ERBIN: variants seen among roughly 807,000 people sequenced by gnomAD.
ERBIN encodes the protein densin-180-like protein.
A neutral mutation model predicts 158.4 loss-of-function variants in ERBIN; 60 were observed. The ratio of observed to expected loss-of-function variants is 0.38; its 90% CI spans 0.31 to 0.47. The LOEUF (loss-of-function observed/expected upper bound fraction) is 0.47. Among genes scored for constraint, ERBIN ranks in the 20% least tolerant of loss-of-function variants. The pLI is 0.99. For synonymous variants in ERBIN, 594 were observed against 557.2 expected, an observed-to-expected ratio of 1.07 and a Z score of -0.93; for missense variants, 1,610 against 1,648.0, an observed-to-expected ratio of 0.98 and a Z score of 0.40.
chr5:65,997,239 G>T (rs1474667655), intron 4 of ERBIN, among the ~76,000 whole-genome samples: 1 of 152,148 alleles, frequency 6.6e-6, no homozygotes, highest in Non-Finnish European at 1.5e-5. Flanking sequence ...GTGAGCTGTG[G>T]GTTTGTCACA....
At position 65,946,778 on chromosome 5, in the gene ERBIN, T is replaced by C. The variant is rs936999927; in HGVS notation, c.-58+19972T>C. Among the ~76,000 whole-genome samples the C allele has an allele frequency of 2.0e-5, 3 of 151,340 alleles. No individual in the cohort carries two copies. In the East Asian group the frequency reaches 5.8e-4, roughly 29 times the overall value. ...GTTTTTCCACATCCTAGCCAGCAAT[T>C]GGTTGTTACTTTTTTTTTTTTTTTT... On this transcript the variant is annotated intron_variant, in intron 1 of 25. Coordinates refer to ENST00000284037, the MANE Select transcript of ERBIN (RefSeq NM_001253697.2).
At position 66,053,882 on chromosome 5, in the gene ERBIN, A is replaced by G; in HGVS notation, c.2564A>G (p.Asp855Gly). Residue 855 changes from aspartate to glycine, a missense_variant, in exon 21 of 26, where the codon GAT (aspartate) becomes GGT (glycine). By Grantham distance (94) the Asp-to-Gly change is moderately conservative (BLOSUM62 -1). Transcript: ENST00000284037. ...VDLGISKSTE[D>G]LSPQKSGPVG... ...TTAGGTATTTCCAAAAGCACTGAAG[A>G]TCTCTCCCCTCAGAAAAGTGGTCCA... The G allele has an allele frequency of 6.2e-7, 1 of 1,614,148 alleles. No individual in the cohort carries two copies. The highest frequency in any genetic ancestry group is 8.5e-7 in the Non-Finnish European group (1 of 1,180,016).
chr5:66,001,567 T>C (rs965180756), intron 4 of ERBIN, among the ~76,000 whole-genome samples: 5 of 152,202 alleles, frequency 3.3e-5, no homozygotes, highest in Non-Finnish European at 7.3e-5. Context: ...GTTATTAAAC[T>C]GGGGACTTAA....
At position 65,941,792 on chromosome 5, in the gene ERBIN, G is replaced by A. The variant is rs544318584; in HGVS notation, c.-58+14986G>A. ...GTGTCGTTTTGTCGCCCAGGCTGGA[G>A]TGCAGTGGCACGATCTCTGCTCACT... is the stretch of plus-strand genomic sequence containing the variant. On this transcript the variant is annotated intron_variant, in intron 1 of 25. Coordinates refer to ENST00000284037, the MANE Select transcript of ERBIN (RefSeq NM_001253697.2). 1.4e-4 allele frequency among the ~76,000 whole-genome samples: 22 copies of A among 152,024 alleles called. No individual in the cohort carries two copies. In the South Asian group the frequency reaches 3.5e-3, roughly 24 times the overall value.
intron 24 of ERBIN, 21 bp downstream of exon 24, chr5:66,076,429 C>T (rs916448157): frequency 1.3e-6 from 2 of 1,516,856 alleles, no homozygotes; most frequent in Admixed American, 3.5e-5. Flanking sequence ...TTTGTATATT[C>T]TTGAAACACC....
intron 1 of ERBIN, among the ~76,000 whole-genome samples, chr5:65,984,530 T>G (rs910453950): frequency 6.6e-6 from 1 of 152,214 alleles, no homozygotes; most frequent in Non-Finnish European, 1.5e-5. Flanking sequence ...AGCCCATGAT[T>G]GGGAACTCAC....
At chr5:65,943,202 TAGTTA>T (rs1158426681) in intron 1 of ERBIN, among the ~76,000 whole-genome samples, 1 of 152,172 alleles carries the variant, frequency 6.6e-6, no homozygotes, top group Non-Finnish European at 1.5e-5. Flanking sequence ...ATCTGTTCAG[TAGTTA>T]TAGCTTATGG....
chr5:65,952,824 A>T (rs1746671999), intron 1 of ERBIN, among the ~76,000 whole-genome samples: 1 of 152,198 alleles, frequency 6.6e-6, no homozygotes, highest in South Asian at 2.1e-4. Flanking sequence ...GATTGAGATG[A>T]TTTGGAGAAA....
intron 19 of ERBIN, among the ~76,000 whole-genome samples, chr5:66,049,519 A>G (rs1022954224): frequency 2.0e-5 from 3 of 152,216 alleles, no homozygotes; most frequent in East Asian, 1.9e-4. Context: ...AATTGTCACA[A>G]TAACCCCCAT....
At chr5:65,977,977 G>GGGAGAGGGAGAA (rs1291468772) in intron 1 of ERBIN, among the ~76,000 whole-genome samples, 123 of 152,116 alleles carry the variant, frequency 8.1e-4, no homozygotes, top group Non-Finnish European at 1.0e-4. Context: ...GAGAGGGAGA[G>GGGAGAGGGAGAA]GGAGAGGGAG....
intron 1 of ERBIN, among the ~76,000 whole-genome samples, chr5:65,984,560 G>A (rs752711252): frequency 2.0e-5 from 3 of 152,218 alleles, no homozygotes; most frequent in Non-Finnish European, 4.4e-5. Context: ...TCAGTGGCTC[G>A]GTTTAAGAGA....
intron 9 of ERBIN, 50 bp downstream of exon 9, chr5:66,023,414 G>T (rs1364976471): frequency 9.0e-6 from 11 of 1,216,100 alleles, no homozygotes; most frequent in African/African-American, 1.5e-5. Flanking sequence ...GCTCTCCTTT[G>T]CAGTTTTGTG....
At position 66,072,335 on chromosome 5, in the gene ERBIN, A is replaced by C; in HGVS notation, c.3756+44A>C. ...AAAATGTAGTATCTGTGAGCTTTCT[A>C]TATTTTGCAGCTTTTGGACTAGATA... On this transcript the variant is annotated intron_variant, in intron 22 of 25. Transcript: ENST00000284037. The C allele has an allele frequency of 1.9e-6, 3 of 1,542,208 alleles. No individual in the cohort carries two copies. The South Asian group carries it at 3.6e-5, about 19-fold the overall frequency.
chr5:65,959,105 G>A (rs1424134061), intron 1 of ERBIN, among the ~76,000 whole-genome samples: 3 of 152,074 alleles, frequency 2.0e-5, no homozygotes, highest in Non-Finnish European at 4.4e-5. Context: ...TGTCATCAAG[G>A]ACATTTATAC....
chr5:66,026,168 TAAAAA>T, intron 12 of ERBIN, 129 bp from the exon 13 acceptor site: 1 of 695,690 alleles, frequency 1.4e-6, no homozygotes, highest in Non-Finnish European at 2.2e-6. Context: ...AAAAATTAAT[TAAAAA>T]GAAAGTCTAG....
At position 66,040,147 on chromosome 5, in the gene ERBIN, C is replaced by T. The variant is rs557018075; in HGVS notation, c.1306+1665C>T. Among the ~76,000 whole-genome samples, 4 of 152,004 alleles carry T rather than the reference C, an allele frequency of 2.6e-5. No individual in the cohort carries two copies. The South Asian group carries it at 8.3e-4, about 31-fold the overall frequency. ...ACGTATCCGTAACTTCTCATCTTTACAATAATCCTCCAAAATAGATGCTAT... is the reference window on the plus strand; with the variant it reads ...ACGTATCCGTAACTTCTCATCTTTATAATAATCCTCCAAAATAGATGCTAT... On this transcript the variant is annotated intron_variant, in intron 15 of 25. Coordinates refer to ENST00000284037, the MANE Select transcript of ERBIN (RefSeq NM_001253697.2).
At chr5:65,966,816 C>T (rs1748687618) in intron 1 of ERBIN, among the ~76,000 whole-genome samples, 1 of 151,718 alleles carries the variant, frequency 6.6e-6, no homozygotes, top group Non-Finnish European at 1.5e-5. Context: ...CCCTGAAGAC[C>T]TTCCAGTCAG....
chr5:65,969,581 G>A (rs1296818895), intron 1 of ERBIN, among the ~76,000 whole-genome samples: 1 of 152,144 alleles, frequency 6.6e-6, no homozygotes, highest in South Asian at 2.1e-4. Flanking sequence ...AGCTACTTTT[G>A]TGTTCAGCTA....
intron 4 of ERBIN, among the ~76,000 whole-genome samples, chr5:66,011,717 C>T (rs1426850453): frequency 6.6e-6 from 1 of 151,188 alleles, no homozygotes; most frequent in African/African-American, 2.4e-5. Context: ...AAAAACGGTC[C>T]TTTTTTTTTA....
Sources: allele counts gnomAD v4.1 joint callset (sites outside exome capture counted in the v4.1 genomes callset), GRCh38; gene constraint gnomAD v4.1.1; transcripts MANE v1.5; gene names NCBI Gene and HGNC (gene_info 2026-07-23, HGNC 2026-07-21).